The following SPIN1 variants were observed in gnomAD, a reference collection of about 807,000 sequenced individuals.
SPIN1 encodes spindlin-1.
In SPIN1, 3 loss-of-function variants were observed where a neutral mutation model predicts 26.0. The ratio of observed to expected loss-of-function variants is 0.12; its 90% CI spans 0.05 to 0.30. The LOEUF is 0.30. Among genes scored for constraint, SPIN1 ranks in the 10% least tolerant of loss-of-function variants. SPIN1 has a pLI of 1.00. For missense variants in SPIN1, 126 were observed against 333.4 expected (o/e 0.38, Z 4.84); for synonymous variants, 101 against 116.5 (o/e 0.87, Z 0.86).
At chr9:88,393,008 G>A (rs1260405969) in intron 1 of SPIN1, among the ~76,000 whole-genome samples, 1 of 152,144 alleles carries the variant, frequency 6.6e-6, no homozygotes. Flanking sequence ...AAGGTGAGTT[G>A]GAGGAACCTG....
intron 2 of SPIN1, among the ~76,000 whole-genome samples, chr9:88,436,990 C>A (rs181951718): frequency 8.6e-5 from 13 of 151,788 alleles, no homozygotes; most frequent in African/African-American, 2.7e-4. Context: ...TGGTCTCGAT[C>A]TCCTGACCTC....
chr9:88,393,550 G>GAGTCAAGCGATTCTCCTGCCTCAGCCTC (rs1564019800), intron 1 of SPIN1, among the ~76,000 whole-genome samples: 1 of 143,712 alleles, frequency 7.0e-6, no homozygotes, highest in African/African-American at 2.7e-5. Context: ...CACCTCCCGG[G>GAGTCAAGCGATTCTCCTGCCTCAGCCTC]AGTCAAGCGA....
At chr9:88,464,376 A>G (rs80240880) in intron 4 of SPIN1, among the ~76,000 whole-genome samples, 3,198 of 152,326 alleles carry the variant, frequency 0.021, 53 homozygotes, top group Non-Finnish European at 0.03. Context: ...GTCGGAAGCA[A>G]TTGCTTCAGG....
intron 5 of SPIN1, among the ~76,000 whole-genome samples, chr9:88,473,608 T>C (rs1465483547): frequency 6.6e-6 from 1 of 151,874 alleles, no homozygotes. Context: ...TTCCTAGCCA[T>C]TTTTTGATCT....
At chr9:88,400,548 A>G (rs527969575) in intron 1 of SPIN1, among the ~76,000 whole-genome samples, 1 of 152,110 alleles carries the variant, frequency 6.6e-6, no homozygotes, top group South Asian at 2.1e-4. Context: ...CTCACCTTCT[A>G]TGAGAGTCTA....
At chr9:88,418,634 ACT>A (rs1422147215) in intron 1 of SPIN1, 12 of 152,164 alleles carry the variant, frequency 7.9e-5, no homozygotes, top group African/African-American at 2.2e-4. Context: ...CTTTGATATG[ACT>A]CTGTTTCCTG....
At position 88,388,456 on chromosome 9, in the gene SPIN1, G is replaced by C. The variant is rs1037213522; in HGVS notation, c.-241G>C. The C allele has an allele frequency of 6.8e-6, 1 of 147,682 alleles. No individual in the cohort carries two copies. Among genetic ancestry groups the C allele is most frequent in the Non-Finnish European group, 1.5e-5 (1 of 66,388 alleles). 9.1% of individuals were successfully genotyped at this position (147,682 alleles called of 1,614,324 possible). On this transcript the variant is annotated 5_prime_UTR_variant, in exon 1 of 6. Coordinates refer to ENST00000375859, the MANE Select transcript of SPIN1 (RefSeq NM_006717.3). ...GAGCGGGGGCGGGGAGGCGCCGTCT[G>C]GCTCAGGCTGGGGCCGGCGGGAGCG... is the stretch of plus-strand genomic sequence containing the variant.
At chr9:88,418,646 G>A (rs1301795203) in intron 1 of SPIN1, 1 of 152,188 alleles carries the variant, frequency 6.6e-6, no homozygotes, top group African/African-American at 2.4e-5. Context: ...TCTGTTTCCT[G>A]AGAATTACTG....
At chr9:88,415,393 C>T (rs541948851) in intron 1 of SPIN1, among the ~76,000 whole-genome samples, 1 of 152,166 alleles carries the variant, frequency 6.6e-6, no homozygotes, top group South Asian at 2.1e-4. Context: ...ACACCAGAGG[C>T]CCCTAGAACA....
chr9:88,471,177 TA>T (rs1170310270), intron 5 of SPIN1, among the ~76,000 whole-genome samples: 1 of 152,186 alleles, frequency 6.6e-6, no homozygotes, highest in African/African-American at 2.4e-5. Flanking sequence ...TCTGAGGTCA[TA>T]AAGATTTACC....
intron 1 of SPIN1, among the ~76,000 whole-genome samples, chr9:88,419,451 C>T (rs976981842): frequency 1.6e-4 from 25 of 152,154 alleles, no homozygotes; most frequent in African/African-American, 5.5e-4. Context: ...GTAGTGTGCT[C>T]ACCACTGCTC....
chr9:88,440,926 T>TA (rs1239686560), intron 2 of SPIN1, among the ~76,000 whole-genome samples: 1 of 148,368 alleles, frequency 6.7e-6, no homozygotes, highest in Non-Finnish European at 1.5e-5. Context: ...TGTGTTTTCT[T>TA]ACAAAAAACA....
At chr9:88,455,133 G>A (rs548518267) in intron 3 of SPIN1, among the ~76,000 whole-genome samples, 72 of 152,234 alleles carry the variant, frequency 4.7e-4, no homozygotes, top group African/African-American at 1.7e-3. Context: ...ATTTCTTGCC[G>A]AATTAGTATA....
chr9:88,474,837 G>A (rs529257371), intron 5 of SPIN1, among the ~76,000 whole-genome samples: 6 of 152,098 alleles, frequency 3.9e-5, no homozygotes, highest in Non-Finnish European at 8.8e-5. Flanking sequence ...GGCTGCTTTT[G>A]TGCTACAGTG....
At chr9:88,457,080 G>T (rs936851929) in intron 3 of SPIN1, among the ~76,000 whole-genome samples, 1 of 152,100 alleles carries the variant, frequency 6.6e-6, no homozygotes, top group Admixed American at 6.5e-5. Context: ...TGATCTAGAA[G>T]TGCTAGCATT....
intron 1 of SPIN1, among the ~76,000 whole-genome samples, chr9:88,402,078 G>A (rs1009254278): frequency 2.0e-5 from 3 of 152,090 alleles, no homozygotes; most frequent in Non-Finnish European, 2.9e-5. Flanking sequence ...GGAACCTCTT[G>A]CCTCCTGGGT....
chr9:88,411,907 C>T (rs530664246), intron 1 of SPIN1, among the ~76,000 whole-genome samples: 1 of 152,010 alleles, frequency 6.6e-6, no homozygotes, highest in East Asian at 1.9e-4. Flanking sequence ...GGTGCGGTGG[C>T]TCATGCCTGT....
chr9:88,470,459 C>T (rs149245027), intron 5 of SPIN1, among the ~76,000 whole-genome samples: 2 of 152,342 alleles, frequency 1.3e-5, no homozygotes, highest in East Asian at 3.9e-4. Flanking sequence ...TCTGATTTCT[C>T]CACATTCTCA....
chr9:88,457,771 C>T (rs1205991292), intron 3 of SPIN1: 7 of 924,026 alleles, frequency 7.6e-6, no homozygotes, highest in Non-Finnish European at 9.0e-6. Flanking sequence ...CTGAACTTTA[C>T]CTGAAAGAAT....
Sources: gnomAD v4.1 joint callset for allele counts (sites outside exome capture counted in the v4.1 genomes callset) on GRCh38, gnomAD v4.1.1 for gene constraint, MANE v1.5 for transcripts, NCBI Gene and HGNC (gene_info 2026-07-23, HGNC 2026-07-21) for gene names.